BAALC: variants seen among roughly 807,000 people sequenced by gnomAD.
The protein encoded by BAALC is brain and acute leukemia cytoplasmic protein.
BAALC carries 9 observed loss-of-function variants against 15.5 expected under a neutral mutation model. The observed-to-expected ratio is 0.58, with a 90% CI of 0.35 to 1.02. The LOEUF is 1.02. Ranked by LOEUF, BAALC falls within the 50% of genes least tolerant of loss-of-function variation. BAALC has a pLI of 0.02. For missense variants in BAALC, 201 were observed against 192.4 expected (o/e 1.04, Z -0.27); for synonymous variants, 80 against 74.6 (o/e 1.07, Z -0.37).
intron 1 of BAALC, among the ~76,000 whole-genome samples, chr8:103,154,014 G>C (rs537366763): frequency 2.6e-5 from 4 of 152,152 alleles, no homozygotes; most frequent in Non-Finnish European, 5.9e-5. Flanking sequence ...GTTTGAAACC[G>C]AGGCCTCATT....
At chr8:103,169,456 T>C (rs758525743) in intron 1 of BAALC, among the ~76,000 whole-genome samples, 4 of 152,212 alleles carry the variant, frequency 2.6e-5, no homozygotes, top group Non-Finnish European at 5.9e-5. Flanking sequence ...GGTCCTGAAC[T>C]GTTGGCTTGT....
intron 1 of BAALC, chr8:103,200,852 G>T (rs1460778267): frequency 7.1e-6 from 4 of 563,800 alleles, no homozygotes; most frequent in East Asian, 2.8e-5. Flanking sequence ...CTTCCTAAAG[G>T]TCCTGCCTCT....
At chr8:103,172,859 T>A (rs77913873) in intron 1 of BAALC, among the ~76,000 whole-genome samples, 2 of 152,190 alleles carry the variant, frequency 1.3e-5, no homozygotes. Flanking sequence ...AAAATGTGTA[T>A]ATTAAATCAG....
intron 1 of BAALC, among the ~76,000 whole-genome samples, chr8:103,210,772 T>C (rs1016891480): frequency 7.2e-5 from 11 of 152,224 alleles, no homozygotes; most frequent in African/African-American, 2.2e-4. Flanking sequence ...TCCTCTTAAA[T>C]TGACAAAGAT....
At chr8:103,221,289 G>C (rs1812673390) in intron 2 of BAALC, among the ~76,000 whole-genome samples, 1 of 152,162 alleles carries the variant, frequency 6.6e-6, no homozygotes, top group Admixed American at 6.5e-5. Context: ...AATGAGGTAA[G>C]GAAAGAGTTG....
At chr8:103,212,818 G>GT in intron 1 of BAALC, 101 bp from the exon 2 acceptor site, 1 of 1,338,018 alleles carries the variant, frequency 7.5e-7, no homozygotes. Context: ...GGCAACTTTT[G>GT]TTTTTTCATT....
intron 1 of BAALC, among the ~76,000 whole-genome samples, chr8:103,164,026 C>G (rs186841794): frequency 1.3e-5 from 2 of 152,042 alleles, no homozygotes; most frequent in African/African-American, 4.8e-5. Flanking sequence ...TGGTAAGCAC[C>G]GTGAAGAAAA....
chr8:103,228,045 T>C lies in BAALC; in HGVS notation c.384T>C (p.Asp128=), dbSNP rs1255754270. 4 of 1,613,792 alleles carry C rather than the reference T, an allele frequency of 2.5e-6. No homozygotes were observed. The highest frequency in any genetic ancestry group is 3.4e-6 in the Non-Finnish European group (4 of 1,179,834). The stretch of plus-strand genomic sequence containing the variant: ...AAGAAGTCACCATTAATGTAACAGA[T>C]AGCATCCAACAGATGGACAGAAGTC... ...PAKEVTINVT[D]SIQQMDRSRR... Residue 128 remains aspartate (D), a synonymous_variant, in exon 3 of 3, where the codon GAT becomes GAC. Coordinates refer to ENST00000309982, the MANE Select transcript of BAALC (RefSeq NM_024812.3).
At chr8:103,212,195 A>G (rs1476605090) in intron 1 of BAALC, among the ~76,000 whole-genome samples, 1 of 152,196 alleles carries the variant, frequency 6.6e-6, no homozygotes, top group Non-Finnish European at 1.5e-5. Context: ...CTGTAATCTC[A>G]GCACTTTAGA....
Position 103,229,209 on chromosome 8 carries a change from CT to C in BAALC, c.*1112del, listed in dbSNP as rs770399644. The C allele has an allele frequency of 4.6e-5, 7 of 152,298 alleles. No homozygotes were observed. The highest frequency in any genetic ancestry group is 7.3e-5 in the Non-Finnish European group (5 of 68,034). 9.4% of individuals were successfully genotyped at this position (152,298 alleles called of 1,614,324 possible). ...TGATAGGAATAATTTTCTAGTATGTCTTGAAACATGTTCATCTGGAAGTATT... is the reference window on the plus strand; with the variant it reads ...TGATAGGAATAATTTTCTAGTATGTCTGAAACATGTTCATCTGGAAGTATT... On this transcript the variant is annotated 3_prime_UTR_variant, in exon 3 of 3. Coordinates refer to ENST00000309982, the MANE Select transcript of BAALC (RefSeq NM_024812.3).
At position 103,140,795 on chromosome 8, in the gene BAALC, C is replaced by G. The variant is rs1487330454; in HGVS notation, c.-103C>G. 7.3e-6 allele frequency: 8 copies of G among 1,088,824 alleles called. No individual in the cohort carries two copies. In the African/African-American group the frequency reaches 1.0e-4, roughly 14 times the overall value. 67.4% of individuals were successfully genotyped at this position (1,088,824 alleles called of 1,614,324 possible). On this transcript the variant is annotated 5_prime_UTR_variant, in exon 1 of 3. Transcript: ENST00000309982. This position sits in a 1 kb window ranked among gnomAD's most constrained non-coding sequence, Gnocchi z 4.2. ...GCGGGCGGGAGCGGGGACGCGATGT[C>G]GCCGCCGCCGCCTCCTTGCGGGCCG...
At chr8:103,193,359 A>T (rs1490197509) in intron 1 of BAALC, among the ~76,000 whole-genome samples, 2 of 152,188 alleles carry the variant, frequency 1.3e-5, no homozygotes, top group Non-Finnish European at 1.5e-5. Context: ...AGGAGTCACT[A>T]CATCCTGGCC....
At chr8:103,151,048 C>T (rs569671239) in intron 1 of BAALC, among the ~76,000 whole-genome samples, 11 of 149,970 alleles carry the variant, frequency 7.3e-5, no homozygotes, top group Admixed American at 3.3e-4. Context: ...GATGGAGTCT[C>T]GCTCTGTTGC....
intron 1 of BAALC, among the ~76,000 whole-genome samples, chr8:103,159,568 A>G (rs1811176253): frequency 6.6e-6 from 1 of 152,092 alleles, no homozygotes; most frequent in African/African-American, 2.4e-5. Context: ...TTCATGGCTC[A>G]TTAGCATATT....
intron 2 of BAALC, among the ~76,000 whole-genome samples, chr8:103,224,265 G>A (rs974898081): frequency 1.3e-5 from 2 of 152,086 alleles, no homozygotes; most frequent in African/African-American, 4.8e-5. Flanking sequence ...ACCATGGCCC[G>A]TGACACACCC....
chr8:103,193,187 CT>C (rs1266229717), intron 1 of BAALC, among the ~76,000 whole-genome samples: 2 of 152,234 alleles, frequency 1.3e-5, no homozygotes, highest in Non-Finnish European at 2.9e-5. Flanking sequence ...TGGCTTACCC[CT>C]GTCACAGGCG....
intron 2 of BAALC, among the ~76,000 whole-genome samples, chr8:103,224,307 G>A (rs894218671): frequency 7.2e-5 from 11 of 152,126 alleles, no homozygotes; most frequent in South Asian, 2.1e-4. Context: ...TGCCCAAGGT[G>A]AGCGGGGCAC....
Position 103,229,760 on chromosome 8 carries a change from G to C in BAALC, c.*1661G>C, listed in dbSNP as rs775153437. The C allele has an allele frequency of 6.6e-6, 1 of 152,120 alleles. No individual in the cohort carries two copies. Among genetic ancestry groups the C allele is most frequent in the South Asian group, 2.1e-4 (1 of 4,814 alleles). The allele number at this position is 152,120 out of a possible 1,614,324, so 9.4% of individuals were successfully genotyped here. A position where few individuals can be genotyped will look rare whatever the true frequency, so the allele number is the denominator to read the frequency against. ...CAATGTACAAGACTTTACCATACAC[G>C]CAACTATAGTTTTTCTAAACCTTCA... On this transcript the variant is annotated 3_prime_UTR_variant, in exon 3 of 3. Coordinates refer to ENST00000309982, the MANE Select transcript of BAALC (RefSeq NM_024812.3).
intron 1 of BAALC, among the ~76,000 whole-genome samples, chr8:103,193,173 T>C (rs1481122803): frequency 6.6e-6 from 1 of 152,240 alleles, no homozygotes; most frequent in Non-Finnish European, 1.5e-5. Flanking sequence ...AACATTATGC[T>C]TTATGGCTTA....
Sources: gnomAD v4.1 joint callset for allele counts (sites outside exome capture counted in the v4.1 genomes callset) on GRCh38, gnomAD v4.1.1 for gene constraint, Gnocchi (gnomAD v3.1) non-coding constraint, MANE v1.5 for transcripts, NCBI Gene and HGNC (gene_info 2026-07-23, HGNC 2026-07-21) for gene names.